The following MTM1 variants were observed in gnomAD, a reference collection of about 807,000 sequenced individuals.
The protein encoded by MTM1 is myotubularin 1.
A neutral mutation model predicts 52.1 loss-of-function variants in MTM1; 9 were observed. The ratio of observed to expected loss-of-function variants is 0.17; its 90% CI spans 0.10 to 0.30. The LOEUF is 0.30. MTM1 is among the 10% of genes least tolerant of loss of function. The pLI is 1.00. For synonymous variants in MTM1, 136 were observed against 163.8 expected (o/e 0.83, Z 1.29); for missense variants, 277 against 470.7 (o/e 0.59, Z 3.81).
intron 14 of MTM1, among the ~76,000 whole-genome samples, chrX:150,668,152 G>A (rs992017915): frequency 8.9e-6 from 1 of 112,733 alleles, no homozygotes; most frequent in Non-Finnish European, 1.9e-5. Context: ...GCCACTAGAA[G>A]CTGGAAGAGG....
In MTM1 at chrX:150,659,680, A is replaced by G; in HGVS notation, c.1277A>G (p.Asp426Gly). ...HKFASRIGHG[D>G]KNHTDADRSP... ...TTTATTCAGCGAATAGGTCATGGTG[A>G]TAAAAACCACACCGATGCTGACCGT... The change falls in exon 12 of 15, where the codon GAT becomes GGT. Residue 426 changes from aspartate to glycine, a missense_variant. Coordinates refer to ENST00000370396, the MANE Select transcript of MTM1 (RefSeq NM_000252.3). The G allele has an allele frequency of 8.3e-7, 1 of 1,210,977 alleles. No individual in the cohort carries two copies. Among genetic ancestry groups the G allele is most frequent in the Non-Finnish European group, 1.1e-6 (1 of 894,578 alleles).
intron 8 of MTM1, among the ~76,000 whole-genome samples, chrX:150,645,385 G>T (rs2039912295): frequency 8.9e-6 from 1 of 112,443 alleles, no homozygotes; most frequent in Non-Finnish European, 1.9e-5. Context: ...AATTAAAATA[G>T]GATCAAGCTT....
chrX:150,608,792 T>C (rs782644693), intron 4 of MTM1, among the ~76,000 whole-genome samples: 17 of 109,645 alleles, frequency 1.6e-4, no homozygotes, highest in African/African-American at 5.0e-4. Flanking sequence ...CATCTCCCCA[T>C]TGCCTTCCCC....
intron 14 of MTM1, among the ~76,000 whole-genome samples, chrX:150,664,449 G>C (rs1332601058): frequency 8.9e-6 from 1 of 112,630 alleles, no homozygotes. Context: ...TCAGGCAGTT[G>C]GCTGCATGCC....
chrX:150,574,436 G>A (rs1337187745), intron 1 of MTM1, among the ~76,000 whole-genome samples: 6 of 111,226 alleles, frequency 5.4e-5, no homozygotes, highest in Non-Finnish European at 7.5e-5. Context: ...ATTAAAGTTC[G>A]GAAATAGTCT....
intron 14 of MTM1, among the ~76,000 whole-genome samples, chrX:150,670,550 C>T (rs782696924): frequency 5.4e-5 from 6 of 111,961 alleles, no homozygotes; most frequent in Non-Finnish European, 9.4e-5. Context: ...CAAACGAAAA[C>T]TACCGTGACA....
chrX:150,599,397 G>A (rs2039032873), intron 4 of MTM1, among the ~76,000 whole-genome samples: 1 of 112,017 alleles, frequency 8.9e-6, no homozygotes, highest in Non-Finnish European at 1.9e-5. Flanking sequence ...ACTTCCAGTG[G>A]ATGTGGTGGG....
At chrX:150,657,560 A>G (rs956998236) in intron 10 of MTM1, among the ~76,000 whole-genome samples, 1 of 109,899 alleles carries the variant, frequency 9.1e-6, no homozygotes, top group African/African-American at 3.3e-5. Flanking sequence ...TGGCACATGT[A>G]TACATATGTA....
chrX:150,651,470 T>C (rs1466727102), intron 10 of MTM1, among the ~76,000 whole-genome samples: 1 of 102,796 alleles, frequency 9.7e-6, no homozygotes, highest in Non-Finnish European at 2.0e-5. Context: ...TATATTTAGT[T>C]GTCACAATTA....
chrX:150,589,800 T>C (rs1482274889), intron 1 of MTM1, among the ~76,000 whole-genome samples: 2 of 108,743 alleles, frequency 1.8e-5, no homozygotes, highest in Non-Finnish European at 3.8e-5. Flanking sequence ...GAGTGGCTGC[T>C]AGCCATGCGC....
At chrX:150,637,726 C>T (rs1339378078) in intron 6 of MTM1, among the ~76,000 whole-genome samples, 2 of 111,914 alleles carry the variant, frequency 1.8e-5, no homozygotes, top group African/African-American at 6.5e-5. Context: ...ATGAGGTAAA[C>T]GAATTCCAGG....
intron 1 of MTM1, chrX:150,591,072 G>T: frequency 1.4e-6 from 1 of 717,350 alleles, no homozygotes. Flanking sequence ...CATATTTTAC[G>T]ATTTTGTCTG....
chrX:150,672,124 G>C lies in MTM1; in HGVS notation c.*529G>C, dbSNP rs782766962. On this transcript the variant is annotated 3_prime_UTR_variant, in exon 15 of 15. Transcript: ENST00000370396. ...ATTGCCAGCTTTTATACCATCATGA[G>C]TGGTGACTTAAGGAGAAATAGCTGT... 1 of 114,452 alleles carries C rather than the reference G, an allele frequency of 8.7e-6. No individual in the cohort carries two copies. The highest frequency in any genetic ancestry group is 3.5e-4 in the South Asian group (1 of 2,832). The allele number at this position is 114,452 out of a possible 1,213,427, so 9.4% of individuals were successfully genotyped here.
intron 14 of MTM1, among the ~76,000 whole-genome samples, chrX:150,664,785 T>C (rs1028271085): frequency 1.5e-4 from 17 of 112,569 alleles, no homozygotes; most frequent in Admixed American, 1.5e-3. Context: ...ATGAGCACTG[T>C]GTTTGTCCTA....
At chrX:150,606,264 AAAAACAAAACAAAAC>A (rs781995333) in intron 4 of MTM1, among the ~76,000 whole-genome samples, 2 of 111,301 alleles carry the variant, frequency 1.8e-5, no homozygotes, top group Non-Finnish European at 1.9e-5. Context: ...CTTCACATTA[AAAAACAAAACAAAAC>A]AAAACAAAAC....
At chrX:150,565,378 A>G (rs1557411189), upstream of MTM1, among the ~76,000 whole-genome samples, 3 of 112,152 alleles carry the variant, frequency 2.7e-5, no homozygotes, top group Non-Finnish European at 3.8e-5. Context: ...CTGCTAGAGC[A>G]TGGTAACCCA....
At chrX:150,656,915 A>C in intron 10 of MTM1, among the ~76,000 whole-genome samples, 1 of 112,102 alleles carries the variant, frequency 8.9e-6, no homozygotes, top group Middle Eastern at 4.7e-3. Context: ...AATCAAAACC[A>C]CAATGAGATA....
At chrX:150,583,703 TA>T (rs1359024105) in intron 1 of MTM1, among the ~76,000 whole-genome samples, 1 of 43,080 alleles carries the variant, frequency 2.3e-5, no homozygotes, top group African/African-American at 9.1e-5. Context: ...TATTTATAAA[TA>T]TATAAATTAT....
chrX:150,583,329 A>T (rs1346106988), intron 1 of MTM1, among the ~76,000 whole-genome samples: 2 of 52,512 alleles, frequency 3.8e-5, no homozygotes, highest in South Asian at 1.7e-3. Context: ...ATATATATAA[A>T]TTATATATAT....
Sources: allele counts gnomAD v4.1 joint callset (sites outside exome capture counted in the v4.1 genomes callset), GRCh38; gene constraint gnomAD v4.1.1; transcripts MANE v1.5; gene names NCBI Gene and HGNC (gene_info 2026-07-23, HGNC 2026-07-21).